Variants in NTM observed in about 807,000 individuals in gnomAD.
NTM encodes neurotrimin.
NTM carries 13 observed loss-of-function variants against 42.1 expected under a neutral mutation model. That is an observed-to-expected ratio of 0.31 (90% CI 0.20 to 0.49). NTM has a LOEUF of 0.49. NTM is among the 20% of genes least tolerant of loss of function. The pLI is 0.99. For missense variants in NTM, 373 were observed against 452.8 expected, an observed-to-expected ratio of 0.82 and a Z score of 1.60; for synonymous variants, 187 against 179.2, an observed-to-expected ratio of 1.04 and a Z score of -0.35.
At chr11:131,375,616 G>A (rs933883697) in intron 1 of NTM, among the ~76,000 whole-genome samples, 2 of 152,170 alleles carry the variant, frequency 1.3e-5, no homozygotes, top group African/African-American at 4.8e-5. Flanking sequence ...GGAGGCTTCA[G>A]TGTGGGACTG....
At chr11:132,181,437 T>A (rs1374029819) in intron 3 of NTM, among the ~76,000 whole-genome samples, 1 of 152,240 alleles carries the variant, frequency 6.6e-6, no homozygotes, top group Non-Finnish European at 1.5e-5. Flanking sequence ...TCTTAGCTTT[T>A]ATGTCCTGCA....
intron 1 of NTM, chr11:131,537,166 C>T: frequency 7.1e-6 from 1 of 141,128 alleles, no homozygotes; most frequent in Non-Finnish European, 1.5e-5. Flanking sequence ...GGATGAGCTT[C>T]TTCATCTAGA....
chr11:132,123,640 G>A (rs913574721), intron 2 of NTM, among the ~76,000 whole-genome samples: 5 of 152,166 alleles, frequency 3.3e-5, no homozygotes, highest in African/African-American at 1.2e-4. Context: ...CGCATTTGAT[G>A]AGCCAGCCAA....
At chr11:131,601,615 A>G (rs947720042) in intron 1 of NTM, among the ~76,000 whole-genome samples, 1 of 151,958 alleles carries the variant, frequency 6.6e-6, no homozygotes, top group Non-Finnish European at 1.5e-5. Context: ...CAGCCCCAGG[A>G]AGCCTGTAGT....
intron 1 of NTM, among the ~76,000 whole-genome samples, chr11:131,389,175 G>A (rs960860754): frequency 3.9e-5 from 6 of 152,208 alleles, no homozygotes; most frequent in African/African-American, 9.6e-5. Context: ...GAGCAGCAAC[G>A]CTCTAGGAGG....
chr11:131,885,106 C>T (rs1217987131), intron 1 of NTM, among the ~76,000 whole-genome samples: 9 of 152,312 alleles, frequency 5.9e-5, no homozygotes, highest in Admixed American at 4.6e-4. Flanking sequence ...GGCCACGGCT[C>T]TGAGGAGTGA....
At chr11:132,107,609 A>AT (rs2062573885) in intron 2 of NTM, among the ~76,000 whole-genome samples, 1 of 151,648 alleles carries the variant, frequency 6.6e-6, no homozygotes, top group Non-Finnish European at 1.5e-5. Context: ...GGGTCAAGTG[A>AT]TCCCCCTGCC....
chr11:132,055,721 G>T (rs1484940076), intron 2 of NTM, among the ~76,000 whole-genome samples: 1 of 152,096 alleles, frequency 6.6e-6, no homozygotes, highest in African/African-American at 2.4e-5. Context: ...CAGTACAAAG[G>T]CCAGGAGGCA....
At chr11:131,696,834 A>G (rs1324468331) in intron 1 of NTM, among the ~76,000 whole-genome samples, 1 of 151,848 alleles carries the variant, frequency 6.6e-6, no homozygotes, top group Admixed American at 6.6e-5. Flanking sequence ...ACCCTTGCCA[A>G]TAAATCTATG....
chr11:132,287,329 T>C (rs2094283335), intron 4 of NTM, among the ~76,000 whole-genome samples: 1 of 152,196 alleles, frequency 6.6e-6, no homozygotes, highest in South Asian at 2.1e-4. Context: ...ATAGAATGAA[T>C]AATGGAAGAC....
intron 2 of NTM, among the ~76,000 whole-genome samples, chr11:131,979,814 A>G (rs1023842862): frequency 1.3e-5 from 2 of 152,242 alleles, no homozygotes; most frequent in Non-Finnish European, 2.9e-5. Flanking sequence ...TCACAAGTCT[A>G]TGGATATGAT....
intron 1 of NTM, among the ~76,000 whole-genome samples, chr11:131,566,432 C>CATGT (rs1373853568): frequency 2.6e-5 from 4 of 150,946 alleles, no homozygotes; most frequent in Non-Finnish European, 5.9e-5. Context: ...TCTCGATGTG[C>CATGT]GTGTGTGTGT....
intron 3 of NTM, among the ~76,000 whole-genome samples, chr11:132,165,188 A>C (rs1196653085): frequency 6.6e-6 from 1 of 152,182 alleles, no homozygotes; most frequent in African/African-American, 2.4e-5. Context: ...CAATGTATTC[A>C]AAATTAAACA....
intron 1 of NTM, among the ~76,000 whole-genome samples, chr11:131,450,866 AATCGTAGTAG>A (rs1215161113): frequency 1.3e-5 from 2 of 152,208 alleles, no homozygotes; most frequent in Admixed American, 6.5e-5. Context: ...CAGGGTTATG[AATCGTAGTAG>A]ATGCCACAGA....
At chr11:132,314,457 G>A (rs1157013257) in intron 6 of NTM, 95 bp from the exon 7 acceptor site, 5 of 1,351,108 alleles carry the variant, frequency 3.7e-6, no homozygotes, top group Non-Finnish European at 5.0e-6. Context: ...AGAAAGGGGG[G>A]CAAGGAGAAG....
intron 4 of NTM, among the ~76,000 whole-genome samples, chr11:132,213,032 T>G (rs140219985): frequency 6.6e-6 from 1 of 151,998 alleles, no homozygotes. Flanking sequence ...GTTGACAGAA[T>G]GACAAGAGCT....
chr11:131,800,094 C>T (rs2091975429), intron 1 of NTM, among the ~76,000 whole-genome samples: 1 of 152,170 alleles, frequency 6.6e-6, no homozygotes, highest in Non-Finnish European at 1.5e-5. Flanking sequence ...ACACATAGTG[C>T]CAAGCCAGCG....
intron 1 of NTM, among the ~76,000 whole-genome samples, chr11:131,872,676 T>C (rs1012050237): frequency 2.0e-5 from 3 of 152,160 alleles, no homozygotes; most frequent in African/African-American, 7.2e-5. Flanking sequence ...TAAGAGCCCG[T>C]CTAATTTGGT....
At chr11:132,285,394 T>TA (rs1255156244) in intron 4 of NTM, among the ~76,000 whole-genome samples, 1 of 152,154 alleles carries the variant, frequency 6.6e-6, no homozygotes, top group Non-Finnish European at 1.5e-5. Flanking sequence ...ATGCACATCT[T>TA]GAAGAAGGAG....
Sources: allele counts gnomAD v4.1 joint callset (sites outside exome capture counted in the v4.1 genomes callset), GRCh38; gene constraint gnomAD v4.1.1; transcripts MANE v1.5; gene names NCBI Gene and HGNC (gene_info 2026-07-23, HGNC 2026-07-21).